Variants in PKN2 observed in about 807,000 individuals in gnomAD.
PKN2 encodes serine/threonine-protein kinase N2.
PKN2 carries 38 observed loss-of-function variants against 119.1 expected under a neutral mutation model. That is an observed-to-expected ratio of 0.32 (90% CI 0.25 to 0.42). The LOEUF (loss-of-function observed/expected upper bound fraction) is 0.42. PKN2 is among the 10% of genes least tolerant of loss of function. PKN2 has a pLI of 1.00. For synonymous variants in PKN2, 390 were observed against 384.9 expected, an observed-to-expected ratio of 1.01 and a Z score of -0.15; for missense variants, 850 against 1,165.1, an observed-to-expected ratio of 0.73 and a Z score of 3.94.
intron 1 of PKN2, among the ~76,000 whole-genome samples, chr1:88,728,894 C>CT (rs397844615): frequency 0.14 from 18,620 of 130,220 alleles, 2,473 homozygotes; most frequent in African/African-American, 0.35. Flanking sequence ...ACATCCCCAT[C>CT]TTTTTTTTTT....
chr1:88,769,240 C>T (rs1329397047), intron 3 of PKN2, among the ~76,000 whole-genome samples: 2 of 152,236 alleles, frequency 1.3e-5, no homozygotes, highest in East Asian at 1.9e-4. Context: ...GAAGTGTTCT[C>T]CAGCTTTATT....
chr1:88,728,061 C>G lies in PKN2; in HGVS notation c.49-12927C>G, dbSNP rs970176286. On this transcript the variant is annotated intron_variant, in intron 1 of 21. Coordinates refer to ENST00000370521, the MANE Select transcript of PKN2 (RefSeq NM_006256.4). ...TTCTTTGGTTTTGGGTTACAGACTT[C>G]TGGCACAATCTGGAGAAGTCTATTA... Among the ~76,000 whole-genome samples the G allele has an allele frequency of 3.7e-5, 5 of 133,468 alleles. No individual in the cohort carries two copies. In the South Asian group the frequency reaches 1.2e-3, roughly 33 times the overall value. The allele number at this position is 133,468 out of a possible 152,430, so 87.6% of individuals were successfully genotyped here.
chr1:88,811,933 A>G (rs1671796813), intron 15 of PKN2, among the ~76,000 whole-genome samples: 1 of 152,192 alleles, frequency 6.6e-6, no homozygotes, highest in Admixed American at 6.6e-5. Flanking sequence ...AGAGTCTTAT[A>G]AAAGAGGTTG....
At chr1:88,828,692 A>T in intron 19 of PKN2, 69 bp downstream of exon 19, 1 of 1,334,994 alleles carries the variant, frequency 7.5e-7, no homozygotes, top group East Asian at 2.3e-5. Context: ...GTCATTTATA[A>T]AACCACCTAA....
chr1:88,690,210 G>A (rs1360680649), intron 1 of PKN2, among the ~76,000 whole-genome samples: 1 of 152,206 alleles, frequency 6.6e-6, no homozygotes, highest in African/African-American at 2.4e-5. Flanking sequence ...CTTAGCATCT[G>A]ATTCCTTGGG....
At chr1:88,698,032 C>T (rs1666612409) in intron 1 of PKN2, among the ~76,000 whole-genome samples, 1 of 152,222 alleles carries the variant, frequency 6.6e-6, no homozygotes, top group African/African-American at 2.4e-5. Context: ...TCATCATTTA[C>T]CCCTTTAGCC....
At chr1:88,772,058 C>A (rs1375835771) in intron 6 of PKN2, among the ~76,000 whole-genome samples, 179 bp downstream of exon 6, 2 of 152,148 alleles carry the variant, frequency 1.3e-5, no homozygotes, top group African/African-American at 4.8e-5. Context: ...TTGCTATATT[C>A]ACAATATTGT....
At chr1:88,767,355 C>G (rs972285971) in intron 3 of PKN2, among the ~76,000 whole-genome samples, 5 of 152,084 alleles carry the variant, frequency 3.3e-5, no homozygotes, top group African/African-American at 4.8e-5. Context: ...ATACATTTGT[C>G]CCATTAAATT....
Position 88,738,154 on chromosome 1 carries a change from G to A in PKN2, c.49-2834G>A, listed in dbSNP as rs115319045. The stretch of plus-strand genomic sequence containing the variant: ...AAGGAAGAATATTAAATAACATAAT[G>A]GACAAGTCATTAAAAAACAAACAAA... On this transcript the variant is annotated intron_variant, in intron 1 of 21. Transcript: ENST00000370521. Among the ~76,000 whole-genome samples, 430 of 135,772 alleles carry A rather than the reference G, an allele frequency of 3.2e-3. 4 individuals carry two copies. Among genetic ancestry groups the A allele is most frequent in the African/African-American group, 0.011 (409 of 36,404 alleles). 89.1% of individuals were successfully genotyped at this position (135,772 alleles called of 152,430 possible). A position where few individuals can be genotyped will look rare whatever the true frequency, so the allele number is the denominator to read the frequency against.
intron 2 of PKN2, among the ~76,000 whole-genome samples, chr1:88,758,714 C>CT (rs1323055775): frequency 6.6e-6 from 1 of 152,072 alleles, no homozygotes; most frequent in Non-Finnish European, 1.5e-5. Flanking sequence ...CATGATCTCT[C>CT]TTTTTTTAAT....
chr1:88,702,195 G>T (rs763051417), intron 1 of PKN2, among the ~76,000 whole-genome samples: 53 of 152,148 alleles, frequency 3.5e-4, no homozygotes, highest in Non-Finnish European at 6.6e-4. Flanking sequence ...TTGAGCCCAG[G>T]TTATCTGCTG....
intron 3 of PKN2, among the ~76,000 whole-genome samples, chr1:88,765,112 A>T (rs575543496): frequency 1.6e-4 from 24 of 152,118 alleles, no homozygotes; most frequent in African/African-American, 5.3e-4. Context: ...TATTGCTAGT[A>T]GAGATGGGGT....
At chr1:88,812,071 G>T (rs1671802580) in intron 15 of PKN2, among the ~76,000 whole-genome samples, 1 of 152,176 alleles carries the variant, frequency 6.6e-6, no homozygotes, top group Admixed American at 6.5e-5. Flanking sequence ...TTGGATTGTT[G>T]CATGGACTTT....
intron 16 of PKN2, among the ~76,000 whole-genome samples, chr1:88,814,737 A>G (rs1025716500): frequency 1.3e-5 from 2 of 150,434 alleles, no homozygotes; most frequent in African/African-American, 5.0e-5. Context: ...TAACTTCAAC[A>G]CTCAAACTAT....
At chr1:88,691,085 A>G (rs1666315707) in intron 1 of PKN2, among the ~76,000 whole-genome samples, 1 of 152,042 alleles carries the variant, frequency 6.6e-6, no homozygotes, top group Non-Finnish European at 1.5e-5. Context: ...TATTTTTGAG[A>G]CAGGATCTCG....
chr1:88,735,365 A>G (rs1220158629), intron 1 of PKN2, among the ~76,000 whole-genome samples: 1 of 151,890 alleles, frequency 6.6e-6, no homozygotes, highest in Non-Finnish European at 1.5e-5. Flanking sequence ...AAGTCTTGGT[A>G]TGCCACCCAA....
Position 88,703,296 on chromosome 1 carries a change from A to G in PKN2, c.48+18668A>G, listed in dbSNP as rs148183588. Among the ~76,000 whole-genome samples, 77 of 152,296 alleles carry G rather than the reference A, an allele frequency of 5.1e-4. No individual in the cohort carries two copies. In the East Asian group the frequency reaches 0.013, roughly 26 times the overall value. ...CTGGTAAATTTTCATATGTTACAAT[A>G]AAGTCTAAAACGTGCAGATAGTTTT... On this transcript the variant is annotated intron_variant, in intron 1 of 21. Coordinates refer to ENST00000370521, the MANE Select transcript of PKN2 (RefSeq NM_006256.4).
intron 6 of PKN2, among the ~76,000 whole-genome samples, chr1:88,774,018 G>A (rs893341227): frequency 6.6e-6 from 1 of 152,144 alleles, no homozygotes; most frequent in Non-Finnish European, 1.5e-5. Flanking sequence ...GTAATTTGCA[G>A]GAACAAATCA....
chr1:88,684,983 T>G, intron 1 of PKN2: 1 of 220,934 alleles, frequency 4.5e-6, no homozygotes, highest in Admixed American at 5.8e-5. Context: ...ACGCCCCTGT[T>G]GCCCCCTCCC....
Sources: gnomAD v4.1 joint callset for allele counts (sites outside exome capture counted in the v4.1 genomes callset) on GRCh38, gnomAD v4.1.1 for gene constraint, MANE v1.5 for transcripts, NCBI Gene and HGNC (gene_info 2026-07-23, HGNC 2026-07-21) for gene names.